Variants in ACYP2 observed in about 807,000 individuals in gnomAD.
ACYP2 encodes acylphosphatase-2.
A neutral mutation model predicts 11.2 loss-of-function variants in ACYP2; 12 were observed. That is an observed-to-expected ratio of 1.08 (90% CI 0.69 to 1.74). ACYP2 has a LOEUF of 1.74. Ranked by LOEUF, ACYP2 falls within the 40% of genes most tolerant of loss-of-function variation. The pLI is 0.00. For missense variants in ACYP2, 134 were observed against 101.9 expected (o/e 1.31, Z -1.35); for synonymous variants, 43 against 32.2 (o/e 1.33, Z -1.13).
At chr2:54,167,586 G>C (rs558501828) in intron 6 of ACYP2, among the ~76,000 whole-genome samples, 38 of 152,236 alleles carry the variant, frequency 2.5e-4, no homozygotes, top group Admixed American at 7.8e-4. Flanking sequence ...ATTTGGGGGA[G>C]GAACTACTGA....
At chr2:54,076,703 G>A (rs1013382179) in intron 4 of ACYP2, among the ~76,000 whole-genome samples, 1 of 152,214 alleles carries the variant, frequency 6.6e-6, no homozygotes, top group Admixed American at 6.5e-5. Flanking sequence ...TAGACCTGGA[G>A]ATGGATCAGG....
chr2:54,290,659 C>T (rs1689263234), intron 6 of ACYP2, among the ~76,000 whole-genome samples: 1 of 152,100 alleles, frequency 6.6e-6, no homozygotes, highest in African/African-American at 2.4e-5. Flanking sequence ...TCTAGTAGTT[C>T]TCTATCGGCT....
chr2:54,211,744 G>A (rs1685337279), intron 6 of ACYP2, among the ~76,000 whole-genome samples: 1 of 152,154 alleles, frequency 6.6e-6, no homozygotes, highest in African/African-American at 2.4e-5. Context: ...ATATCTAAAT[G>A]ATGTCTACCA....
chr2:54,181,130 G>A (rs758959149), intron 6 of ACYP2, among the ~76,000 whole-genome samples: 1 of 152,122 alleles, frequency 6.6e-6, no homozygotes, highest in Non-Finnish European at 1.5e-5. Flanking sequence ...AAAACACTAG[G>A]ATATGGCTGT....
At chr2:54,170,215 C>T (rs943639450) in intron 6 of ACYP2, among the ~76,000 whole-genome samples, 6 of 152,098 alleles carry the variant, frequency 3.9e-5, no homozygotes, top group South Asian at 2.1e-4. Context: ...TGCAGTGGCG[C>T]GATCTTGGCT....
At chr2:54,281,486 T>A (rs920162665) in intron 6 of ACYP2, among the ~76,000 whole-genome samples, 2 of 152,182 alleles carry the variant, frequency 1.3e-5, no homozygotes, top group Non-Finnish European at 2.9e-5. Context: ...TGAGATGATG[T>A]TGGTGGCTAG....
chr2:54,254,924 C>T (rs1482023327), intron 6 of ACYP2: 6 of 1,608,724 alleles, frequency 3.7e-6, no homozygotes, highest in Non-Finnish European at 5.1e-6. Context: ...AAAGGTTAAC[C>T]ACACTGGAAC....
At position 54,053,910 on chromosome 2, in the gene ACYP2, A is replaced by G. The variant is rs150678469; in HGVS notation, c.155+2860A>G. On this transcript the variant is annotated intron_variant, in intron 3 of 6. Transcript: ENST00000607452. Reference sequence around the variant, plus strand: ...AGTTTACTCTCACTGGGAGAGGGCAACAGGTGTTCTGGTCTTTCATTAAAT... The same window carrying G: ...AGTTTACTCTCACTGGGAGAGGGCAGCAGGTGTTCTGGTCTTTCATTAAAT... Among the ~76,000 whole-genome samples the G allele has an allele frequency of 6.6e-4, 101 of 152,340 alleles. 2 individuals carry two copies. In the East Asian group the frequency reaches 0.017, roughly 25 times the overall value.
At chr2:54,277,365 C>G (rs1688642847) in intron 6 of ACYP2, among the ~76,000 whole-genome samples, 1 of 152,092 alleles carries the variant, frequency 6.6e-6, no homozygotes, top group Admixed American at 6.6e-5. Context: ...CACACAAATC[C>G]TTTAATATGC....
chr2:54,263,566 G>C lies in ACYP2; in HGVS notation c.405-41122G>C, dbSNP rs532035048. ...TTGAGCCCAGGAGTTGGAGCTTCCA[G>C]TGAGTTATGATTGCCACTGGCACTC... is the stretch of plus-strand genomic sequence containing the variant. On this transcript the variant is annotated intron_variant, in intron 6 of 6. Transcript: ENST00000607452. 3.5e-3 allele frequency among the ~76,000 whole-genome samples: 529 copies of C among 152,300 alleles called. 5 individuals are homozygous for C. Among genetic ancestry groups the C allele is most frequent in the African/African-American group, 0.012 (495 of 41,566 alleles).
At chr2:54,006,608 T>G (rs964535624) in intron 2 of ACYP2, among the ~76,000 whole-genome samples, 2 of 152,110 alleles carry the variant, frequency 1.3e-5, no homozygotes, top group African/African-American at 4.8e-5. Flanking sequence ...CTCTATTTAT[T>G]TAGTTCTTCT....
chr2:54,039,419 G>A (rs1675103953), intron 2 of ACYP2, among the ~76,000 whole-genome samples: 1 of 151,784 alleles, frequency 6.6e-6, no homozygotes, highest in Non-Finnish European at 1.5e-5. Context: ...AGCCTCCCTA[G>A]TAGCTGGGAC....
At chr2:54,295,289 T>G in intron 6 of ACYP2, among the ~76,000 whole-genome samples, 1 of 152,256 alleles carries the variant, frequency 6.6e-6, no homozygotes. Flanking sequence ...ATTAGGCCCC[T>G]GAATCCATAG....
At chr2:54,053,152 C>A (rs1675952642) in intron 3 of ACYP2, among the ~76,000 whole-genome samples, 1 of 152,192 alleles carries the variant, frequency 6.6e-6, no homozygotes, top group Admixed American at 6.5e-5. Flanking sequence ...GCCTACAGGG[C>A]ATTGCTTTTG....
intron 2 of ACYP2, among the ~76,000 whole-genome samples, chr2:54,046,538 C>G (rs1675535224): frequency 6.6e-6 from 1 of 150,836 alleles, no homozygotes; most frequent in South Asian, 2.1e-4. Context: ...TGTCTCCAGG[C>G]TGAATCTGTA....
intron 2 of ACYP2, among the ~76,000 whole-genome samples, chr2:54,032,859 A>T (rs538691936): frequency 6.6e-6 from 1 of 152,334 alleles, no homozygotes; most frequent in South Asian, 2.1e-4. Flanking sequence ...ATGCTCGTGG[A>T]TAAAAAGAAT....
intron 4 of ACYP2, among the ~76,000 whole-genome samples, chr2:54,114,689 C>G (rs1247741540): frequency 6.6e-6 from 1 of 152,126 alleles, no homozygotes; most frequent in Non-Finnish European, 1.5e-5. Flanking sequence ...CGTCTCAAAA[C>G]AACAGCAACA....
At chr2:53,972,985 G>A (rs183003601) in intron 1 of ACYP2, among the ~76,000 whole-genome samples, 215 of 152,206 alleles carry the variant, frequency 1.4e-3, no homozygotes, top group Non-Finnish European at 2.4e-3. Flanking sequence ...TGAAAAAATA[G>A]GGCCCTTCAC....
chr2:54,059,508 G>A (rs370419885), intron 4 of ACYP2, among the ~76,000 whole-genome samples: 3 of 152,094 alleles, frequency 2.0e-5, no homozygotes, highest in East Asian at 1.9e-4. Flanking sequence ...CACCATGCAC[G>A]GCGAGCATCT....
Sources: gnomAD v4.1 joint callset for allele counts (sites outside exome capture counted in the v4.1 genomes callset) on GRCh38, gnomAD v4.1.1 for gene constraint, MANE v1.5 for transcripts, NCBI Gene and HGNC (gene_info 2026-07-23, HGNC 2026-07-21) for gene names.